The following NAV3 variants were observed in gnomAD, a reference collection of about 807,000 sequenced individuals.
NAV3 encodes the protein pore membrane and/or filament interacting like protein 1.
A neutral mutation model predicts 244.7 loss-of-function variants in NAV3; 87 were observed. That is an observed-to-expected ratio of 0.36 (90% confidence interval 0.30 to 0.42). The LOEUF is 0.42. Among genes scored for constraint, NAV3 ranks in the 20% least tolerant of loss-of-function variants. The pLI, the probability that NAV3 is intolerant of heterozygous loss-of-function variation, is 1.00. For synonymous variants in NAV3, 1,126 were observed against 1,042.2 expected, an observed-to-expected ratio of 1.08 and a Z score of -1.55; for missense variants, 2,663 against 2,893.3, an observed-to-expected ratio of 0.92 and a Z score of 1.83.
intron 12 of NAV3, among the ~76,000 whole-genome samples, chr12:78,101,877 T>C (rs1455214546): frequency 1.3e-5 from 2 of 152,154 alleles, no homozygotes; most frequent in African/African-American, 2.4e-5. Context: ...TAAATTATTA[T>C]TGCAAAGATT....
intron 2 of NAV3, among the ~76,000 whole-genome samples, chr12:77,822,596 A>C (rs1872791329): frequency 6.6e-6 from 1 of 152,188 alleles, no homozygotes; most frequent in Non-Finnish European, 1.5e-5. Context: ...TTTTAACTTC[A>C]TGCTCAGTAT....
Position 78,129,015 on chromosome 12 carries a change from T to G in NAV3, c.4441+149T>G, listed in dbSNP as rs142529001. ...AGTACCTTTCATTTGTGTCATTGTT[T>G]ACTCTTCACAGAAAAATCTCCAAAC... On this transcript the variant is annotated intron_variant, in intron 18 of 39. Transcript: ENST00000397909. The G allele has an allele frequency of 2.8e-4, 199 of 704,120 alleles. No individual in the cohort carries two copies. In the African/African-American group the frequency reaches 3.2e-3, roughly 11 times the overall value. 43.6% of individuals were successfully genotyped at this position (704,120 alleles called of 1,614,324 possible).
intron 1 of NAV3, among the ~76,000 whole-genome samples, chr12:77,866,214 G>T (rs1405307939): frequency 6.6e-6 from 1 of 152,100 alleles, no homozygotes; most frequent in East Asian, 1.9e-4. Flanking sequence ...TATAAATAGT[G>T]GTAGAGGAAT....
chr12:78,080,180 T>C (rs1303053555), intron 12 of NAV3, among the ~76,000 whole-genome samples: 2 of 152,154 alleles, frequency 1.3e-5, no homozygotes, highest in Non-Finnish European at 2.9e-5. Flanking sequence ...AGAAGTTTTA[T>C]CTCTTGCATA....
chr12:77,717,962 T>C (rs183053643), intron 2 of NAV3, among the ~76,000 whole-genome samples: 2 of 152,190 alleles, frequency 1.3e-5, no homozygotes, highest in Admixed American at 6.6e-5. Flanking sequence ...GTTCTTTATA[T>C]ATTTTTGATA....
At chr12:77,859,259 C>G (rs573856892) in intron 1 of NAV3, among the ~76,000 whole-genome samples, 2 of 152,082 alleles carry the variant, frequency 1.3e-5, no homozygotes, top group Middle Eastern at 3.4e-3. Flanking sequence ...CATAAACTTT[C>G]CTTGGGATTC....
intron 1 of NAV3, among the ~76,000 whole-genome samples, chr12:77,896,942 C>A (rs888440917): frequency 2.0e-5 from 3 of 152,192 alleles, no homozygotes; most frequent in Non-Finnish European, 1.5e-5. Flanking sequence ...CTACATCAGA[C>A]TCTTCAATCC....
intron 1 of NAV3, among the ~76,000 whole-genome samples, chr12:77,858,601 T>C (rs568907361): frequency 6.6e-6 from 1 of 152,214 alleles, no homozygotes; most frequent in East Asian, 1.9e-4. Flanking sequence ...TTGTGGTTTT[T>C]CACACTGTGG....
At chr12:77,592,816 G>C (rs1869971335) in intron 2 of NAV3, among the ~76,000 whole-genome samples, 1 of 152,296 alleles carries the variant, frequency 6.6e-6, no homozygotes, top group African/African-American at 2.4e-5. Flanking sequence ...ACATTTATCA[G>C]ATCATTTCAT....
intron 2 of NAV3, among the ~76,000 whole-genome samples, chr12:77,791,617 G>A (rs569156585): frequency 6.6e-6 from 1 of 151,990 alleles, no homozygotes; most frequent in African/African-American, 2.4e-5. Context: ...CTCTGCAAAG[G>A]GTAATCACTA....
At chr12:77,899,414 C>G (rs1565901755) in intron 1 of NAV3, among the ~76,000 whole-genome samples, 1 of 152,190 alleles carries the variant, frequency 6.6e-6, no homozygotes, top group Non-Finnish European at 1.5e-5. Context: ...CCACCCTGAT[C>G]AATCGGCAGC....
intron 2 of NAV3, among the ~76,000 whole-genome samples, chr12:77,786,762 T>A (rs1710474649): frequency 6.6e-6 from 1 of 152,130 alleles, no homozygotes; most frequent in Admixed American, 6.5e-5. Flanking sequence ...ACCAGCTTTT[T>A]TCATTTCTGA....
At chr12:78,079,161 G>T (rs1953218684) in intron 12 of NAV3, among the ~76,000 whole-genome samples, 1 of 152,200 alleles carries the variant, frequency 6.6e-6, no homozygotes, top group South Asian at 2.1e-4. Flanking sequence ...ACAGCATGAA[G>T]AACTGATGTG....
intron 12 of NAV3, among the ~76,000 whole-genome samples, chr12:78,089,282 C>G (rs1953799419): frequency 6.6e-6 from 1 of 151,814 alleles, no homozygotes; most frequent in Non-Finnish European, 1.5e-5. Flanking sequence ...GTGGAAGAAA[C>G]AAGGAAAAAA....
intron 34 of NAV3, among the ~76,000 whole-genome samples, chr12:78,195,304 A>G (rs1310727467): frequency 6.6e-6 from 1 of 151,884 alleles, no homozygotes; most frequent in African/African-American, 2.4e-5. Flanking sequence ...AACACATCAT[A>G]CACTTACACT....
At position 78,200,582 on chromosome 12, in the gene NAV3, G is replaced by A. The variant is rs1306985226; in HGVS notation, c.6825G>A (p.Glu2275=). ...LVPYILEAVR[E]GLQMYGKRTP... Reference sequence around the variant, plus strand: ...CTTATATTCTGGAGGCAGTGAGAGAGGGTCTTCAGGTATAGTACTCAATTT... The same window carrying A: ...CTTATATTCTGGAGGCAGTGAGAGAAGGTCTTCAGGTATAGTACTCAATTT... The change falls in exon 38 of 40, where the codon GAG becomes GAA. Residue 2275 remains glutamate (E), a synonymous_variant. Coordinates refer to ENST00000397909, the MANE Select transcript of NAV3 (RefSeq NM_001024383.2). 1 of 1,534,304 alleles carries A rather than the reference G, an allele frequency of 6.5e-7. No individual in the cohort carries two copies. The highest frequency in any genetic ancestry group is 8.8e-7 in the Non-Finnish European group (1 of 1,133,968).
At chr12:77,887,692 G>A (rs2136695758) in intron 1 of NAV3, among the ~76,000 whole-genome samples, 1 of 152,178 alleles carries the variant, frequency 6.6e-6, no homozygotes, top group South Asian at 2.1e-4. Context: ...TTTAGAGAGT[G>A]CTAATACTTT....
intron 17 of NAV3, among the ~76,000 whole-genome samples, chr12:78,128,422 G>A (rs2138839315): frequency 6.6e-6 from 1 of 152,018 alleles, no homozygotes; most frequent in East Asian, 1.9e-4. Flanking sequence ...CTGTGCTTTT[G>A]AGTTCTCAAT....
At chr12:77,970,271 T>C (rs973211340) in intron 5 of NAV3, among the ~76,000 whole-genome samples, 1 of 152,114 alleles carries the variant, frequency 6.6e-6, no homozygotes, top group Non-Finnish European at 1.5e-5. Flanking sequence ...CTACTAACAT[T>C]CAGTTAACCT....
Sources: gnomAD v4.1 joint callset for allele counts (sites outside exome capture counted in the v4.1 genomes callset) on GRCh38, gnomAD v4.1.1 for gene constraint, MANE v1.5 for transcripts, NCBI Gene and HGNC (gene_info 2026-07-23, HGNC 2026-07-21) for gene names.